Variants in SLC25A30 observed in about 807,000 individuals in gnomAD.
The protein encoded by SLC25A30 is solute carrier family 25 member 30.
Under a neutral mutation model 42.7 loss-of-function variants are expected in SLC25A30, and 29 were observed. The observed-to-expected ratio is 0.68, with a 90% CI of 0.51 to 0.93. The LOEUF (loss-of-function observed/expected upper bound fraction) is 0.93, where lower values mean the gene tolerates loss of function less well. Among genes scored for constraint, SLC25A30 ranks in the 40% least tolerant of loss-of-function variants. The pLI, the probability that SLC25A30 is intolerant of heterozygous loss-of-function variation, is 0.00. For missense variants in SLC25A30, 300 were observed against 359.7 expected, an observed-to-expected ratio of 0.83 and a Z score of 1.34; for synonymous variants, 124 against 131.0, an observed-to-expected ratio of 0.95 and a Z score of 0.37.
the SLC25A30 span, among the ~76,000 whole-genome samples, chr13:45,428,650 G>A: frequency 8.8e-3 from 1,323 of 150,158 alleles, 20 homozygotes; most frequent in African/African-American, 0.03. Context: ...AGCCTCCTGA[G>A]TAGCTGGGAT....
At chr13:45,397,371 A>C (rs1185306084) in intron 8 of SLC25A30, 33 bp from the exon 9 acceptor site, 3 of 1,479,522 alleles carry the variant, frequency 2.0e-6, no homozygotes, top group Middle Eastern at 3.5e-4. Context: ...TTAACTTCCA[A>C]CTTTCTAATT....
chr13:45,423,614 T>A, the SLC25A30 span, among the ~76,000 whole-genome samples: 6 of 98,686 alleles, frequency 6.1e-5, 1 homozygote, highest in East Asian at 2.5e-4. Flanking sequence ...TAAATATATA[T>A]AAAATATATA....
chr13:45,402,601 C>A (rs114188430), intron 5 of SLC25A30, among the ~76,000 whole-genome samples: 1 of 152,160 alleles, frequency 6.6e-6, no homozygotes, highest in African/African-American at 2.4e-5. Context: ...AGTCCAGAGT[C>A]CTACGTACAG....
Position 45,393,426 on chromosome 13 carries a change from C to A in SLC25A30, c.*2548G>T, listed in dbSNP as rs892349721. On this transcript the variant is annotated 3_prime_UTR_variant, in exon 10 of 10. Coordinates refer to ENST00000519676, the MANE Select transcript of SLC25A30 (RefSeq NM_001010875.4). ...CTTGAAATATAAAGGCTTATGAAAA[C>A]TTCATACTCTTTATATAATGCATAC... 84 of 983,112 alleles carry A rather than the reference C, an allele frequency of 8.5e-5. No individual in the cohort carries two copies. The highest frequency in any genetic ancestry group is 9.7e-5 in the Non-Finnish European group (80 of 828,052). The allele number at this position is 983,112 out of a possible 1,614,324, so 60.9% of individuals were successfully genotyped here. A position where few individuals can be genotyped will look rare whatever the true frequency, so the allele number is the denominator to read the frequency against.
At chr13:45,398,086 T>C (rs1031672173) in intron 8 of SLC25A30, 3 of 984,836 alleles carry the variant, frequency 3.0e-6, no homozygotes, top group Non-Finnish European at 3.6e-6. Flanking sequence ...AATGTGCTAG[T>C]GTCATGTTGG....
chr13:45,425,892 C>A, the SLC25A30 span, among the ~76,000 whole-genome samples: 1 of 146,890 alleles, frequency 6.8e-6, no homozygotes. Flanking sequence ...AGGGTTTCAT[C>A]ATGTTGGCCA....
chr13:45,424,152 T>TATATATAAACATACAA, the SLC25A30 span, among the ~76,000 whole-genome samples: 1 of 87,202 alleles, frequency 1.1e-5, no homozygotes. Context: ...AATATAAGTA[T>TATATATAAACATACAA]ATATATAGAA....
Position 45,394,202 on chromosome 13 carries a change from ATC to A in SLC25A30, c.*1770_*1771del, listed in dbSNP as rs1881148632. 6 of 985,224 alleles carry A rather than the reference ATC, an allele frequency of 6.1e-6. No individual in the cohort carries two copies. In the Admixed American group the frequency reaches 3.1e-4, roughly 51 times the overall value. The allele number at this position is 985,224 out of a possible 1,614,324, so 61.0% of individuals were successfully genotyped here. A position where few individuals can be genotyped will look rare whatever the true frequency, so the allele number is the denominator to read the frequency against. On this transcript the variant is annotated 3_prime_UTR_variant, in exon 10 of 10. Transcript: ENST00000519676. ...GTTGCCCAGGGAGAGCTGGACTTTC[ATC>A]TGAGTCTCAGCAATTAACAGGTAAC...
chr13:45,424,875 A>AATATATAAATATATATTTAAAT, the SLC25A30 span, among the ~76,000 whole-genome samples: 1 of 46,986 alleles, frequency 2.1e-5, no homozygotes. Flanking sequence ...AATATATATA[A>AATATATAAATATATATTTAAAT]ATATATAAAT....
At chr13:45,429,133 G>A in the SLC25A30 span, among the ~76,000 whole-genome samples, 3 of 134,340 alleles carry the variant, frequency 2.2e-5, no homozygotes, top group Non-Finnish European at 4.6e-5. Context: ...CAATGGCGCA[G>A]TCTCAGTTCA....
At chr13:45,421,522 T>C (rs747482008), upstream of SLC25A30, among the ~76,000 whole-genome samples, 11 of 152,154 alleles carry the variant, frequency 7.2e-5, no homozygotes, top group Non-Finnish European at 1.3e-4. Context: ...TTTGGCTCTT[T>C]GTGCATGTTT....
At position 45,405,414 on chromosome 13, in the gene SLC25A30, A is replaced by C. The variant is rs560646347; in HGVS notation, c.307+469T>G. On this transcript the variant is annotated intron_variant, in intron 4 of 9. Transcript: ENST00000519676. ...ATCTTAGCTCTTGTTCACCACTCTTACATAATAGTGTCTGGTACTCATCCC... is the reference window on the plus strand; with the variant it reads ...ATCTTAGCTCTTGTTCACCACTCTTCCATAATAGTGTCTGGTACTCATCCC... 2.0e-5 allele frequency among the ~76,000 whole-genome samples: 3 copies of C among 152,338 alleles called. No individual in the cohort carries two copies. The South Asian group carries it at 6.2e-4, about 32-fold the overall frequency.
In SLC25A30 at chr13:45,406,271, C is replaced by T. The variant is rs111521907; in HGVS notation, c.213-294G>A. 3.9e-3 allele frequency among the ~76,000 whole-genome samples: 593 copies of T among 152,166 alleles called. 3 individuals are homozygous for T. The highest frequency in any genetic ancestry group is 6.7e-3 in the Non-Finnish European group (455 of 68,002). On this transcript the variant is annotated intron_variant, in intron 3 of 9. Transcript: ENST00000519676. ...CTAATTTTTGTATTTTTAGTAGAGA[C>T]GGGGTTTCGCCATGTTGGTCAGGCT...
At chr13:45,415,771 A>C (rs906706492) in intron 1 of SLC25A30, among the ~76,000 whole-genome samples, 43 of 147,584 alleles carry the variant, frequency 2.9e-4, no homozygotes, top group African/African-American at 8.6e-4. Flanking sequence ...AAAAAGAAAG[A>C]AAGCTGTTGG....
chr13:45,431,674 G>A, the SLC25A30 span, among the ~76,000 whole-genome samples: 2 of 151,560 alleles, frequency 1.3e-5, no homozygotes, highest in Admixed American at 6.6e-5. Context: ...GTGAGCCACC[G>A]CACCCAGCCA....
upstream of SLC25A30, among the ~76,000 whole-genome samples, chr13:45,418,896 GTA>G (rs1386236851): frequency 7.7e-6 from 1 of 129,536 alleles, no homozygotes; most frequent in South Asian, 2.6e-4. Context: ...AGCAGAGAGC[GTA>G]CCACTGCACT....
intron 4 of SLC25A30, 114 bp downstream of exon 4, chr13:45,405,769 T>C (rs1025299914): frequency 1.1e-6 from 1 of 877,194 alleles, no homozygotes; most frequent in South Asian, 1.7e-5. Context: ...CCAGAGTTCT[T>C]GTAGCAGTAG....
In SLC25A30 at chr13:45,406,795, T is replaced by C. The variant is rs543345715; in HGVS notation, c.213-818A>G. ...CACTGTTTACCCTTTGTCCTACTTG[T>C]AGCTGTCTCCTCCCTGTTCTGCTGT... is the stretch of plus-strand genomic sequence containing the variant. On this transcript the variant is annotated intron_variant, in intron 3 of 9. Coordinates refer to ENST00000519676, the MANE Select transcript of SLC25A30 (RefSeq NM_001010875.4). Among the ~76,000 whole-genome samples the C allele has an allele frequency of 1.2e-4, 18 of 152,346 alleles. No homozygotes were observed. The South Asian group carries it at 3.3e-3, about 28-fold the overall frequency.
chr13:45,414,390 G>C (rs1426395187), intron 1 of SLC25A30, among the ~76,000 whole-genome samples: 1 of 152,110 alleles, frequency 6.6e-6, no homozygotes, highest in Non-Finnish European at 1.5e-5. Context: ...GGCCGAGGTG[G>C]GCGGATCACC....
Sources: gnomAD v4.1 joint callset for allele counts (sites outside exome capture counted in the v4.1 genomes callset) on GRCh38, gnomAD v4.1.1 for gene constraint, MANE v1.5 for transcripts, NCBI Gene and HGNC (gene_info 2026-07-23, HGNC 2026-07-21) for gene names.